The following RAB6A variants were observed in gnomAD, a reference collection of about 807,000 sequenced individuals.
The protein encoded by RAB6A is RAB6A, member RAS oncogene family.
In RAB6A, 8 loss-of-function variants were observed where a neutral mutation model predicts 32.3. That is an observed-to-expected ratio of 0.25 (90% confidence interval 0.15 to 0.45). The LOEUF is 0.45. RAB6A is among the 20% of genes least tolerant of loss of function. The pLI, the probability that RAB6A is intolerant of heterozygous loss-of-function variation, is 1.00. For missense variants in RAB6A, 104 were observed against 249.4 expected, an observed-to-expected ratio of 0.42 and a Z score of 3.93; for synonymous variants, 73 against 82.1, an observed-to-expected ratio of 0.89 and a Z score of 0.60.
At chr11:73,741,979 T>TA (rs1462823671) in intron 1 of RAB6A, among the ~76,000 whole-genome samples, 1 of 151,678 alleles carries the variant, frequency 6.6e-6, no homozygotes. Context: ...AAAACAAAAT[T>TA]AAAAAAGAAA....
intron 5 of RAB6A, among the ~76,000 whole-genome samples, chr11:73,714,349 G>C (rs1372626883): frequency 6.6e-6 from 1 of 151,618 alleles, no homozygotes; most frequent in African/African-American, 2.4e-5. Flanking sequence ...AAACAATTCA[G>C]ATATACAATT....
At chr11:73,715,879 AAG>A (rs1415148601) in intron 5 of RAB6A, among the ~76,000 whole-genome samples, 4 of 152,146 alleles carry the variant, frequency 2.6e-5, no homozygotes, top group African/African-American at 9.6e-5. Flanking sequence ...CTACTAAGAA[AAG>A]AGTGTGCATT....
intron 6 of RAB6A, among the ~76,000 whole-genome samples, chr11:73,688,165 T>C (rs1565346605): frequency 6.6e-6 from 1 of 152,204 alleles, no homozygotes; most frequent in Non-Finnish European, 1.5e-5. Context: ...ATTATGTATA[T>C]CTCTTATCAT....
chr11:73,704,516 C>G (rs943570855), intron 6 of RAB6A, among the ~76,000 whole-genome samples: 2 of 150,328 alleles, frequency 1.3e-5, no homozygotes, highest in African/African-American at 4.9e-5. Context: ...AACTCCGTCT[C>G]TACTAAAAAT....
intron 4 of RAB6A, among the ~76,000 whole-genome samples, chr11:73,716,624 G>A (rs12286279): frequency 6.6e-6 from 1 of 151,166 alleles, no homozygotes; most frequent in Non-Finnish European, 1.5e-5. Flanking sequence ...GTACAATGTA[G>A]TATTTAATTG....
intron 6 of RAB6A, among the ~76,000 whole-genome samples, chr11:73,683,082 T>G (rs1379939637): frequency 6.6e-6 from 1 of 151,234 alleles, no homozygotes; most frequent in Non-Finnish European, 1.5e-5. Flanking sequence ...GCTGAAAACT[T>G]GAAAATCACA....
chr11:73,688,411 G>A (rs182502954), intron 6 of RAB6A, among the ~76,000 whole-genome samples: 71 of 152,242 alleles, frequency 4.7e-4, no homozygotes, highest in African/African-American at 1.2e-3. Context: ...TCTCAACAGC[G>A]GGGTAGACTC....
At chr11:73,716,783 T>A (rs549141455) in intron 4 of RAB6A, among the ~76,000 whole-genome samples, 2 of 152,328 alleles carry the variant, frequency 1.3e-5, no homozygotes, top group South Asian at 4.1e-4. Context: ...TCCCAACACA[T>A]CCAGAAAATC....
chr11:73,705,012 T>C (rs914833937), intron 6 of RAB6A, among the ~76,000 whole-genome samples: 1 of 151,704 alleles, frequency 6.6e-6, no homozygotes, highest in Admixed American at 6.6e-5. Context: ...AAATAATAAA[T>C]AAATAAATAA....
intron 1 of RAB6A, among the ~76,000 whole-genome samples, chr11:73,743,761 C>T (rs1946537661): frequency 6.6e-6 from 1 of 152,204 alleles, no homozygotes; most frequent in African/African-American, 2.4e-5. Context: ...ACTTTAGAGG[C>T]TCTGAACCCT....
intron 5 of RAB6A, among the ~76,000 whole-genome samples, chr11:73,711,542 A>G (rs1210087124): frequency 6.6e-6 from 1 of 152,202 alleles, no homozygotes; most frequent in Non-Finnish European, 1.5e-5. Context: ...GTCTTTAGAT[A>G]TTACAAATAG....
At chr11:73,740,130 T>C (rs904406105) in intron 1 of RAB6A, among the ~76,000 whole-genome samples, 1 of 152,032 alleles carries the variant, frequency 6.6e-6, no homozygotes, top group Non-Finnish European at 1.5e-5. Flanking sequence ...AATTCTGACC[T>C]GCTTCATAAT....
At chr11:73,716,667 G>A (rs923545349) in intron 4 of RAB6A, among the ~76,000 whole-genome samples, 18 of 152,098 alleles carry the variant, frequency 1.2e-4, no homozygotes, top group Non-Finnish European at 2.5e-4. Flanking sequence ...TATAAGGACA[G>A]CTATGGCAGA....
intron 6 of RAB6A, among the ~76,000 whole-genome samples, chr11:73,706,290 C>A (rs1279553947): frequency 6.6e-6 from 1 of 151,864 alleles, no homozygotes; most frequent in African/African-American, 2.4e-5. Flanking sequence ...CTGAGGCAGG[C>A]AGATCACGAG....
chr11:73,692,788 C>A (rs866754970), intron 6 of RAB6A, among the ~76,000 whole-genome samples: 159 of 98,122 alleles, frequency 1.6e-3, no homozygotes, highest in African/African-American at 2.3e-3. Context: ...ACTAAAAATA[C>A]AAAAAAAAAA....
intron 1 of RAB6A, among the ~76,000 whole-genome samples, chr11:73,736,824 A>AAC (rs142435267): frequency 0.14 from 20,110 of 144,474 alleles, 1,656 homozygotes; most frequent in African/African-American, 0.21. Context: ...AAAAAAAAAA[A>AAC]AACAATTAGC....
intron 1 of RAB6A, among the ~76,000 whole-genome samples, chr11:73,750,349 T>C (rs922356252): frequency 7.8e-5 from 11 of 140,890 alleles, no homozygotes; most frequent in African/African-American, 2.4e-4. Context: ...TTTCCTTCCC[T>C]TTTTTTTTTT....
chr11:73,718,961 T>C, intron 3 of RAB6A: 2 of 1,397,852 alleles, frequency 1.4e-6, no homozygotes, highest in Non-Finnish European at 2.0e-6. Flanking sequence ...AGAAACAATG[T>C]TTTTTGTAAA....
At chr11:73,690,715 A>C (rs996402821) in intron 6 of RAB6A, among the ~76,000 whole-genome samples, 6 of 151,152 alleles carry the variant, frequency 4.0e-5, no homozygotes, top group African/African-American at 1.5e-4. Flanking sequence ...AAAAAAAAAA[A>C]AACCCAAACA....
Sources: gnomAD v4.1 joint callset for allele counts (sites outside exome capture counted in the v4.1 genomes callset) on GRCh38, gnomAD v4.1.1 for gene constraint, MANE v1.5 for transcripts, NCBI Gene and HGNC (gene_info 2026-07-23, HGNC 2026-07-21) for gene names.